Variants in CNTFR observed in about 807,000 individuals in gnomAD.
CNTFR encodes the protein ciliary neurotrophic factor receptor.
A neutral mutation model predicts 40.4 loss-of-function variants in CNTFR; 12 were observed. The observed-to-expected ratio is 0.30, with a 90% CI of 0.19 to 0.48. The LOEUF (loss-of-function observed/expected upper bound fraction) is 0.48. CNTFR is among the 20% of genes least tolerant of loss of function. The probability of loss-of-function intolerance (pLI) is 0.99; values close to 1 mark genes in which losing one functional copy is unlikely to be tolerated. For missense variants in CNTFR, 414 were observed against 506.8 expected (o/e 0.82, Z 1.76); for synonymous variants, 202 against 209.6 (o/e 0.96, Z 0.31).
chr9:34,589,911 A>T (rs1043189153), upstream of CNTFR, among the ~76,000 whole-genome samples: 3 of 131,872 alleles, frequency 2.3e-5, no homozygotes, highest in Admixed American at 7.3e-5. The surrounding 1 kb of genome is among the most constrained non-coding windows in gnomAD (Gnocchi z 4.4). Context: ...CCTCCCCGCC[A>T]CGGGCCCCGC....
In CNTFR at chr9:34,556,333, C is replaced by T. The variant is rs368794442; in HGVS notation, c.690G>A (p.Ser230=). 28 of 1,613,768 alleles carry T rather than the reference C, an allele frequency of 1.7e-5. No homozygotes were observed. The highest frequency in any genetic ancestry group is 8.8e-5 in the South Asian group (8 of 91,058). The change falls in exon 7 of 10, where the codon TCG becomes TCA. Residue 230 remains serine (S), a synonymous_variant. Coordinates refer to ENST00000378980, the MANE Select transcript of CNTFR (RefSeq NM_147164.3). ...RRLEVTWQTP[S]TWPDPESFPL... ...GAAAAGACTCAGGGTCAGGCCAGGT[C>T]GAGGGGGTCTGCCACGTCACCTCCA... is the stretch of plus-strand genomic sequence containing the variant.
At chr9:34,563,565 A>G (rs12551183) in intron 4 of CNTFR, among the ~76,000 whole-genome samples, 22,073 of 152,240 alleles carry the variant, frequency 0.14, 1,956 homozygotes, top group Middle Eastern at 0.2. Flanking sequence ...TGCCAAACAA[A>G]CTACTTGCAT....
intron 2 of CNTFR, among the ~76,000 whole-genome samples, chr9:34,579,442 G>C (rs1452464423): frequency 6.6e-6 from 1 of 152,116 alleles, no homozygotes; most frequent in African/African-American, 2.4e-5. Context: ...ATTGAGACAG[G>C]CTGGGAGACA....
chr9:34,565,428 C>T (rs958725984), intron 3 of CNTFR, among the ~76,000 whole-genome samples: 2 of 152,108 alleles, frequency 1.3e-5, no homozygotes, highest in South Asian at 4.1e-4. Flanking sequence ...TCCCAGCCTG[C>T]CACCCCACAA....
At chr9:34,559,984 G>C (rs561020609) in intron 4 of CNTFR, among the ~76,000 whole-genome samples, 78 of 152,360 alleles carry the variant, frequency 5.1e-4, no homozygotes, top group Admixed American at 1.9e-3. Flanking sequence ...GGTCATGGTG[G>C]GGTGGGGGTT....
chr9:34,586,311 G>A (rs1353069585), intron 1 of CNTFR, among the ~76,000 whole-genome samples: 1 of 152,124 alleles, frequency 6.6e-6, no homozygotes, highest in African/African-American at 2.4e-5. Context: ...TGTGAGACAC[G>A]CACAACAAAA....
intron 1 of CNTFR, chr9:34,582,953 CGTATGTGTGT>C (rs1827377307): frequency 1.3e-5 from 2 of 152,270 alleles, no homozygotes; most frequent in Non-Finnish European, 2.9e-5. Context: ...GTGTGGTGTG[CGTATGTGTGT>C]GTGCGTATTG....
At position 34,552,868 on chromosome 9, in the gene CNTFR, A is replaced by G. The variant is rs1227112361; in HGVS notation, c.769-14T>C. 1 of 1,607,614 alleles carries G rather than the reference A, an allele frequency of 6.2e-7. No homozygotes were observed. Among genetic ancestry groups the G allele is most frequent in the African/African-American group, 1.3e-5 (1 of 74,830 alleles). On this transcript the variant is annotated splice_polypyrimidine_tract_variant and intron_variant, in intron 7 of 9. Transcript: ENST00000378980. The surrounding 1 kb of genome is among the most constrained non-coding windows in gnomAD (Gnocchi z 5.1). ...GGACAGCTCCACCTGCAGCCAGACC[A>G]TGGGGTGGGGGTAAGGACACACCTG...
At chr9:34,579,370 G>A (rs1260572349) in intron 2 of CNTFR, among the ~76,000 whole-genome samples, 1 of 151,930 alleles carries the variant, frequency 6.6e-6, no homozygotes, top group Non-Finnish European at 1.5e-5. Flanking sequence ...AGCGTTGGGC[G>A]TTTTAAATAG....
intron 2 of CNTFR, among the ~76,000 whole-genome samples, chr9:34,578,552 T>A (rs969776921): frequency 6.6e-6 from 1 of 152,150 alleles, no homozygotes; most frequent in African/African-American, 2.4e-5. Flanking sequence ...TATCAGCAAG[T>A]GGTGAGAGAT....
chr9:34,567,024 T>C (rs1826335055), intron 3 of CNTFR, among the ~76,000 whole-genome samples: 1 of 152,148 alleles, frequency 6.6e-6, no homozygotes, highest in Non-Finnish European at 1.5e-5. Flanking sequence ...TCACAACTGC[T>C]ACAATAACAC....
In CNTFR at chr9:34,579,287, C is replaced by T. The variant is rs562094963; in HGVS notation, c.-1+1808G>A. On this transcript the variant is annotated intron_variant, in intron 2 of 9. Transcript: ENST00000378980. ...ACGGGCTTGGATCAATCCGTCCGCC[C>T]GCCGCTCCCTCCTCCCCCTCCTCCC... Among the ~76,000 whole-genome samples the T allele has an allele frequency of 2.8e-4, 43 of 152,240 alleles. 1 individual carries two copies. The South Asian group carries it at 3.1e-3, about 11-fold the overall frequency.
At chr9:34,554,175 G>C (rs1308574398) in intron 7 of CNTFR, among the ~76,000 whole-genome samples, 2 of 152,192 alleles carry the variant, frequency 1.3e-5, no homozygotes, top group East Asian at 1.9e-4. Flanking sequence ...TCTTCTCCTG[G>C]AGCCAGGGTC....
intron 3 of CNTFR, among the ~76,000 whole-genome samples, chr9:34,567,168 G>A: frequency 2.0e-5 from 1 of 49,886 alleles, no homozygotes; most frequent in Non-Finnish European, 4.2e-5. Flanking sequence ...ATTAAATCAA[G>A]CAGCAGGGGG....
intron 7 of CNTFR, among the ~76,000 whole-genome samples, chr9:34,555,463 C>T (rs1041182382): frequency 3.9e-5 from 6 of 152,090 alleles, no homozygotes; most frequent in East Asian, 1.9e-4. Context: ...AGAGTGCCCA[C>T]GACCCTATGG....
At chr9:34,571,521 C>T (rs1826640696) in intron 2 of CNTFR, 1 of 152,266 alleles carries the variant, frequency 6.6e-6, no homozygotes, top group Non-Finnish European at 1.5e-5. Flanking sequence ...CTGGTCCACA[C>T]AAGCACACAC....
At position 34,552,580 on chromosome 9, in the gene CNTFR, G is replaced by A. The variant is rs2132111136; in HGVS notation, c.949+94C>T. On this transcript the variant is annotated intron_variant, in intron 8 of 9. Coordinates refer to ENST00000378980, the MANE Select transcript of CNTFR (RefSeq NM_147164.3). This position sits in a 1 kb window ranked among gnomAD's most constrained non-coding sequence, Gnocchi z 5.1. ...AGAAGTGTGGCTACCCCCGGGAGCA[G>A]AGGCTGGAGGCAGCAGGGTAGAACC... 1 of 1,342,992 alleles carries A rather than the reference G, an allele frequency of 7.4e-7. No homozygotes were observed. Among genetic ancestry groups the A allele is most frequent in the Non-Finnish European group, 1.0e-6 (1 of 996,200 alleles). 83.2% of individuals were successfully genotyped at this position (1,342,992 alleles called of 1,614,324 possible). A position where few individuals can be genotyped will look rare whatever the true frequency, so the allele number is the denominator to read the frequency against.
intron 2 of CNTFR, among the ~76,000 whole-genome samples, chr9:34,570,366 T>C (rs1170872367): frequency 6.6e-6 from 1 of 151,934 alleles, no homozygotes; most frequent in Non-Finnish European, 1.5e-5. Flanking sequence ...CCAGAAACAC[T>C]GTAAAGGACT....
intron 1 of CNTFR, among the ~76,000 whole-genome samples, chr9:34,585,937 G>A (rs542205718): frequency 7.9e-5 from 12 of 152,222 alleles, no homozygotes; most frequent in Admixed American, 6.5e-4. Context: ...CTCGCCATGG[G>A]GGGGCAGAGA....
Sources: gnomAD v4.1 joint callset for allele counts (sites outside exome capture counted in the v4.1 genomes callset) on GRCh38, gnomAD v4.1.1 for gene constraint, Gnocchi (gnomAD v3.1) non-coding constraint, MANE v1.5 for transcripts, NCBI Gene and HGNC (gene_info 2026-07-23, HGNC 2026-07-21) for gene names.